Variants in FNIP1 observed in about 807,000 individuals in gnomAD.
The protein encoded by FNIP1 is folliculin-interacting protein 1.
FNIP1 carries 40 observed loss-of-function variants against 124.5 expected under a neutral mutation model. That is an observed-to-expected ratio of 0.32 (90% CI 0.25 to 0.42). The LOEUF (loss-of-function observed/expected upper bound fraction) is 0.42, where lower values mean the gene tolerates loss of function less well. Ranked by LOEUF, FNIP1 falls within the 10% of genes least tolerant of loss-of-function variation. FNIP1 has a pLI of 1.00. For synonymous variants in FNIP1, 472 were observed against 470.6 expected, an observed-to-expected ratio of 1.00 and a Z score of -0.04; for missense variants, 1,176 against 1,403.7, an observed-to-expected ratio of 0.84 and a Z score of 2.59.
intron 3 of FNIP1, among the ~76,000 whole-genome samples, chr5:131,724,587 T>C (rs547298830): frequency 4.5e-4 from 68 of 152,208 alleles, no homozygotes; most frequent in Admixed American, 9.8e-4. Flanking sequence ...TTTAGTTCCT[T>C]ATAGATTCTG....
chr5:131,762,166 T>C (rs895505989), intron 1 of FNIP1, among the ~76,000 whole-genome samples: 13 of 152,112 alleles, frequency 8.5e-5, no homozygotes, highest in African/African-American at 2.4e-4. Context: ...AAAGAAAACA[T>C]TGGGAGAACT....
intron 1 of FNIP1, among the ~76,000 whole-genome samples, chr5:131,756,038 A>G (rs573301695): frequency 8.4e-4 from 128 of 152,132 alleles, no homozygotes; most frequent in African/African-American, 3.0e-3. Flanking sequence ...AATGAAGATG[A>G]AAAGAAAGGA....
intron 11 of FNIP1, among the ~76,000 whole-genome samples, chr5:131,686,696 C>T (rs970201277): frequency 5.9e-5 from 9 of 152,140 alleles, no homozygotes; most frequent in African/African-American, 1.7e-4. Flanking sequence ...CTTTCAGTTA[C>T]TTTAAAATGT....
At chr5:131,674,717 CAAGA>C (rs1419033452) in intron 13 of FNIP1, among the ~76,000 whole-genome samples, 1 of 150,844 alleles carries the variant, frequency 6.6e-6, no homozygotes, top group Non-Finnish European at 1.5e-5. Context: ...GACCCTGTCT[CAAGA>C]AAGAAAGAAA....
At chr5:131,783,318 A>G (rs1435828869) in intron 1 of FNIP1, among the ~76,000 whole-genome samples, 1 of 152,176 alleles carries the variant, frequency 6.6e-6, no homozygotes, top group Admixed American at 6.5e-5. Context: ...GAAAAGGAAT[A>G]AGAATGAGCT....
intron 15 of FNIP1, among the ~76,000 whole-genome samples, chr5:131,658,382 C>T (rs1767274715): frequency 6.6e-6 from 1 of 152,046 alleles, no homozygotes; most frequent in Admixed American, 6.6e-5. Flanking sequence ...CTTAATTATT[C>T]CTGGGGTATG....
At chr5:131,678,468 C>T (rs1344278532) in intron 12 of FNIP1, among the ~76,000 whole-genome samples, 1 of 152,094 alleles carries the variant, frequency 6.6e-6, no homozygotes, top group Non-Finnish European at 1.5e-5. Context: ...AGTGCAGTGG[C>T]GCAATCTCCA....
chr5:131,681,230 T>C (rs997114377), intron 11 of FNIP1, among the ~76,000 whole-genome samples: 1 of 152,082 alleles, frequency 6.6e-6, no homozygotes, highest in African/African-American at 2.4e-5. Flanking sequence ...TAAATCTTCA[T>C]GGGATTGTGG....
At chr5:131,690,568 T>C (rs1313114252) in intron 11 of FNIP1, among the ~76,000 whole-genome samples, 6 of 152,194 alleles carry the variant, frequency 3.9e-5, no homozygotes, top group Non-Finnish European at 7.3e-5. Flanking sequence ...GAAGGTGCCT[T>C]GCTTCCTCTT....
chr5:131,796,711 A>T, intron 1 of FNIP1, 119 bp downstream of exon 1: 1 of 905,074 alleles, frequency 1.1e-6, no homozygotes, highest in Non-Finnish European at 1.6e-6. Flanking sequence ...ACCGAGGACC[A>T]GATGCTGCTC....
intron 7 of FNIP1, among the ~76,000 whole-genome samples, chr5:131,709,757 G>A (rs1769228165): frequency 6.6e-6 from 1 of 151,980 alleles, no homozygotes; most frequent in Non-Finnish European, 1.5e-5. Context: ...AGGTATTTCT[G>A]GCTGATAAAA....
intron 11 of FNIP1, among the ~76,000 whole-genome samples, chr5:131,693,811 A>T (rs541657928): frequency 6.6e-6 from 1 of 152,138 alleles, no homozygotes; most frequent in Admixed American, 6.5e-5. Context: ...TATTTTTTTT[A>T]AATCTGACAA....
At position 131,796,874 on chromosome 5, in the gene FNIP1, C is replaced by G. The variant is rs1772627889; in HGVS notation, c.48G>C (p.Leu16=). The part of the protein sequence containing the change: ...FQKLFSKRTG[L]GAPGRDARDP... ...CCCGGGCGTCGCGGCCGGGCGCGCC[C>G]AGCCCGGTCCTCTTGCTGAAGAGCT... The change falls in exon 1 of 18, where the codon CTG becomes CTC. Residue 16 remains leucine, a synonymous_variant. Coordinates refer to ENST00000510461, the MANE Select transcript of FNIP1 (RefSeq NM_133372.3). 6.2e-7 allele frequency: 1 copy of G among 1,608,450 alleles called. No individual in the cohort carries two copies. Among genetic ancestry groups the G allele is most frequent in the African/African-American group, 1.3e-5 (1 of 74,852 alleles).
rs532497615 is a variant in FNIP1 at position 131,667,510 on chromosome 5, G to A, written c.3108+2953C>T. ...AAACCTTATTGGCTAACAATTGACTGTTGCTCACTAAGCCACATTTTCTCA... is the reference window on the plus strand; with the variant it reads ...AAACCTTATTGGCTAACAATTGACTATTGCTCACTAAGCCACATTTTCTCA... On this transcript the variant is annotated intron_variant, in intron 15 of 17. Transcript: ENST00000510461. Among the ~76,000 whole-genome samples, 44 of 152,266 alleles carry A rather than the reference G, an allele frequency of 2.9e-4. No homozygotes were observed. In the South Asian group the frequency reaches 8.9e-3, roughly 31 times the overall value.
At chr5:131,698,877 C>A in intron 11 of FNIP1, 40 bp downstream of exon 11, 2 of 1,514,708 alleles carry the variant, frequency 1.3e-6, no homozygotes, top group Non-Finnish European at 1.8e-6. Context: ...CCTGTGTACA[C>A]TATGAATTAC....
intron 15 of FNIP1, among the ~76,000 whole-genome samples, chr5:131,665,980 C>A (rs1767593249): frequency 6.7e-6 from 1 of 149,880 alleles, no homozygotes; most frequent in African/African-American, 2.5e-5. Context: ...CACCTCACTG[C>A]AAGCTCCGCC....
chr5:131,720,880 G>C (rs971515168), intron 3 of FNIP1, among the ~76,000 whole-genome samples: 3 of 152,284 alleles, frequency 2.0e-5, no homozygotes, highest in South Asian at 4.1e-4. Context: ...CATTGTTGTA[G>C]GAATGCAAAA....
intron 2 of FNIP1, among the ~76,000 whole-genome samples, chr5:131,742,874 G>A (rs1770556795): frequency 6.6e-6 from 1 of 152,158 alleles, no homozygotes; most frequent in Non-Finnish European, 1.5e-5. Flanking sequence ...CTTCAGGAGA[G>A]TATTTACAGG....
chr5:131,673,978 C>T (rs149430234), intron 13 of FNIP1, among the ~76,000 whole-genome samples: 398 of 151,930 alleles, frequency 2.6e-3, no homozygotes, highest in Non-Finnish European at 4.5e-3. Context: ...AGAGGGTGCA[C>T]TGAGCCGAGA....
Sources: gnomAD v4.1 joint callset for allele counts (sites outside exome capture counted in the v4.1 genomes callset) on GRCh38, gnomAD v4.1.1 for gene constraint, MANE v1.5 for transcripts, NCBI Gene and HGNC (gene_info 2026-07-23, HGNC 2026-07-21) for gene names.